Variants in CTNNA2 observed in about 807,000 individuals in gnomAD.
CTNNA2 encodes catenin alpha-2.
CTNNA2 carries 42 observed loss-of-function variants against 101.0 expected under a neutral mutation model. That is an observed-to-expected ratio of 0.42 (90% CI 0.32 to 0.54). The LOEUF (loss-of-function observed/expected upper bound fraction) is 0.54, where lower values mean the gene tolerates loss of function less well. Ranked by LOEUF, CTNNA2 falls within the 20% of genes least tolerant of loss-of-function variation. CTNNA2 has a pLI of 0.14. For synonymous variants in CTNNA2, 450 were observed against 456.4 expected (o/e 0.99, Z 0.18); for missense variants, 871 against 1,223.1 (o/e 0.71, Z 4.29).
chr2:79,706,811 T>C (rs1172603579), intron 2 of CTNNA2, among the ~76,000 whole-genome samples: 1 of 152,172 alleles, frequency 6.6e-6, no homozygotes, highest in Non-Finnish European at 1.5e-5. Context: ...TGATATTTTA[T>C]ATTTTTGGAG....
rs1434109 is a variant in CTNNA2 at position 79,877,170 on chromosome 2, A to C, written c.852+2828A>C. Among the ~76,000 whole-genome samples the C allele has an allele frequency of 2.0e-5, 3 of 152,014 alleles. No homozygotes were observed. In the East Asian group the frequency reaches 5.8e-4, roughly 29 times the overall value. On this transcript the variant is annotated intron_variant, in intron 6 of 18. Coordinates refer to ENST00000402739, the MANE Select transcript of CTNNA2 (RefSeq NM_001282597.3). ...CTGTTTCTCAAGCTATGAGAATTAC[A>C]TAAAGCGTTATCTAATGGTCAACAT...
At chr2:79,916,088 C>G (rs1686182238) in intron 7 of CTNNA2, among the ~76,000 whole-genome samples, 1 of 152,182 alleles carries the variant, frequency 6.6e-6, no homozygotes, top group African/African-American at 2.4e-5. Flanking sequence ...TCTTTTCTCT[C>G]CTTCCTATTA....
At chr2:80,215,992 C>A (rs1277972765) in intron 7 of CTNNA2, among the ~76,000 whole-genome samples, 6 of 152,206 alleles carry the variant, frequency 3.9e-5, no homozygotes, top group African/African-American at 1.4e-4. Flanking sequence ...TCGCTGCCAT[C>A]TTGCAGTTCT....
chr2:80,547,894 G>T (rs970651238), intron 11 of CTNNA2, among the ~76,000 whole-genome samples: 2 of 151,864 alleles, frequency 1.3e-5, no homozygotes, highest in Non-Finnish European at 2.9e-5. Flanking sequence ...GTTTCTCCGT[G>T]TTGGTCAGGC....
chr2:79,546,296 C>G (rs1406305883), intron 1 of CTNNA2, among the ~76,000 whole-genome samples: 2 of 152,128 alleles, frequency 1.3e-5, no homozygotes, highest in African/African-American at 4.8e-5. Flanking sequence ...CTTAAATTCT[C>G]AGGAACTTTT....
At chr2:80,048,324 G>A (rs1320172027) in intron 7 of CTNNA2, among the ~76,000 whole-genome samples, 1 of 152,182 alleles carries the variant, frequency 6.6e-6, no homozygotes, top group African/African-American at 2.4e-5. Context: ...TGGAAGACTT[G>A]CAGAGGAAAT....
chr2:79,634,935 C>T (rs73938745), intron 1 of CTNNA2, among the ~76,000 whole-genome samples: 17,926 of 152,066 alleles, frequency 0.12, 1,361 homozygotes, highest in East Asian at 0.36. Flanking sequence ...GAACTTTATT[C>T]TTAGGCAGTG....
intron 7 of CTNNA2, among the ~76,000 whole-genome samples, chr2:79,989,173 G>A (rs546101078): frequency 6.6e-6 from 1 of 152,280 alleles, no homozygotes; most frequent in African/African-American, 2.4e-5. Context: ...CCCTTAACAA[G>A]TAACGGTTTC....
chr2:79,879,803 G>T (rs1683289571), intron 6 of CTNNA2, among the ~76,000 whole-genome samples: 2 of 151,934 alleles, frequency 1.3e-5, no homozygotes, highest in Non-Finnish European at 2.9e-5. Context: ...ATTTGAATAT[G>T]CTTTATTTCT....
chr2:80,169,309 G>A (rs1028841778), intron 7 of CTNNA2, among the ~76,000 whole-genome samples: 26 of 152,186 alleles, frequency 1.7e-4, no homozygotes, highest in Non-Finnish European at 2.9e-4. Context: ...GCTGGGATCG[G>A]AGGGGAGAGG....
chr2:80,546,353 T>C (rs1021577680), intron 11 of CTNNA2, among the ~76,000 whole-genome samples: 4 of 152,236 alleles, frequency 2.6e-5, no homozygotes, highest in Non-Finnish European at 4.4e-5. Flanking sequence ...TTGATGTATC[T>C]GAATCACTCA....
intron 7 of CTNNA2, among the ~76,000 whole-genome samples, chr2:80,188,944 CTTTTTTTTTTTT>C (rs34090029): frequency 5.4e-5 from 4 of 74,686 alleles, no homozygotes; most frequent in Non-Finnish European, 9.4e-5. Flanking sequence ...CAGGTGGTCA[CTTTTTTTTTTTT>C]TTTTTTTTTT....
At chr2:79,462,727 A>C (rs1670892740) in intron 4 of CTNNA2, among the ~76,000 whole-genome samples, 2 of 152,258 alleles carry the variant, frequency 1.3e-5, no homozygotes, top group African/African-American at 4.8e-5. Context: ...ACCTTCTAGC[A>C]GCAAGTTCTA....
At chr2:79,607,357 T>C (rs1488763397) in intron 1 of CTNNA2, among the ~76,000 whole-genome samples, 1 of 152,052 alleles carries the variant, frequency 6.6e-6, no homozygotes, top group Non-Finnish European at 1.5e-5. Context: ...AGACAGAAAA[T>C]CAGCGGGGAC....
intron 8 of CTNNA2, among the ~76,000 whole-genome samples, chr2:80,417,871 A>G (rs1680179840): frequency 6.6e-6 from 1 of 152,130 alleles, no homozygotes. Context: ...TTTTGTGCAC[A>G]TTATCTTCCT....
At chr2:80,406,296 T>TG (rs1679048410) in intron 8 of CTNNA2, among the ~76,000 whole-genome samples, 1 of 149,608 alleles carries the variant, frequency 6.7e-6, no homozygotes, top group Non-Finnish European at 1.5e-5. Flanking sequence ...ATCGCGCCAC[T>TG]GCACTCCAGC....
At chr2:80,358,020 T>G (rs926943526) in intron 7 of CTNNA2, among the ~76,000 whole-genome samples, 4 of 152,116 alleles carry the variant, frequency 2.6e-5, no homozygotes, top group Non-Finnish European at 5.9e-5. Context: ...GTAGGCTCTG[T>G]GGGGGCAGAC....
chr2:79,815,053 G>C (rs1030193450), intron 3 of CTNNA2, among the ~76,000 whole-genome samples: 2 of 151,936 alleles, frequency 1.3e-5, no homozygotes, highest in Non-Finnish European at 2.9e-5. Context: ...TTCACATGTT[G>C]GTTGGCCATT....
rs70940088 is a variant in CTNNA2, at chr2:80,569,633, G to GTTTTTTTTT, written c.1742-4511_1742-4503dup. On this transcript the variant is annotated intron_variant, in intron 12 of 18. Transcript: ENST00000402739. Reference sequence around the variant, plus strand: ...TCAGTATTACTTTTGGGGTATTTAGGTTTTTTTTTTTTTTTTTTTTTTTTT... The same window carrying GTTTTTTTTT: ...TCAGTATTACTTTTGGGGTATTTAGGTTTTTTTTTTTTTTTTTTTTTTTTTTTTTTTTTT... Among the ~76,000 whole-genome samples the GTTTTTTTTT allele has an allele frequency of 1.6e-3, 82 of 51,732 alleles. 21 individuals carry two copies. Among genetic ancestry groups the GTTTTTTTTT allele is most frequent in the Non-Finnish European group, 1.8e-3 (47 of 25,576 alleles). 33.9% of individuals were successfully genotyped at this position (51,732 alleles called of 152,430 possible).
Sources: allele counts gnomAD v4.1 joint callset (sites outside exome capture counted in the v4.1 genomes callset), GRCh38; gene constraint gnomAD v4.1.1; transcripts MANE v1.5; gene names NCBI Gene and HGNC (gene_info 2026-07-23, HGNC 2026-07-21).